ELP3: variants seen among roughly 807,000 people sequenced by gnomAD.
ELP3 encodes elongator acetyltransferase complex subunit 3, also known as elongator complex protein 3.
A neutral mutation model predicts 74.9 loss-of-function variants in ELP3; 56 were observed. That is an observed-to-expected ratio of 0.75 (90% CI 0.60 to 0.93). The LOEUF is 0.93. ELP3 is among the 40% of genes least tolerant of loss of function. The pLI is 0.00. For synonymous variants in ELP3, 222 were observed against 239.8 expected, an observed-to-expected ratio of 0.93 and a Z score of 0.68; for missense variants, 573 against 686.5, an observed-to-expected ratio of 0.83 and a Z score of 1.85.
In ELP3 at chr8:28,106,756, A is replaced by G; in HGVS notation, c.302A>G (p.His101Arg). 5 of 1,612,918 alleles carry G rather than the reference A, an allele frequency of 3.1e-6. No homozygotes were observed. The highest frequency in any genetic ancestry group is 1.1e-5 in the South Asian group (1 of 91,026). Residue 101 changes from histidine (H) to arginine (R), a missense_variant, in exon 4 of 15, where the codon CAC becomes CGC. Physicochemically the swap from His to Arg is conservative, Grantham distance 29. Coordinates refer to ENST00000256398, the MANE Select transcript of ELP3 (RefSeq NM_018091.6). ...AVMCKPHRCP[H>R]ISFTGNICVY... is the part of the protein sequence containing the mutation. ...ATGTGCAAACCCCACAGATGTCCAC[A>G]CATCAGTTTTACAGGAAATATATGT...
At chr8:28,159,482 A>G (rs1563279559) in intron 12 of ELP3, among the ~76,000 whole-genome samples, 1 of 152,146 alleles carries the variant, frequency 6.6e-6, no homozygotes. Flanking sequence ...CCATCTCCCC[A>G]TCTACCGAGT....
At chr8:28,123,971 T>G (rs1812477046) in intron 7 of ELP3, among the ~76,000 whole-genome samples, 1 of 152,194 alleles carries the variant, frequency 6.6e-6, no homozygotes, top group Admixed American at 6.5e-5. Flanking sequence ...TTTGCTCGTG[T>G]GTGCCTTTTA....
At chr8:28,148,486 T>G (rs1813516129) in intron 10 of ELP3, among the ~76,000 whole-genome samples, 1 of 152,306 alleles carries the variant, frequency 6.6e-6, no homozygotes, top group African/African-American at 2.4e-5. Context: ...ATTCATGGCC[T>G]CTGGTCATGA....
At chr8:28,162,165 T>C in intron 14 of ELP3, 87 bp downstream of exon 14, 1 of 1,332,474 alleles carries the variant, frequency 7.5e-7, no homozygotes, top group Non-Finnish European at 1.1e-6. Flanking sequence ...CTCTTGCCCC[T>C]GTTGATGGTT....
intron 10 of ELP3, among the ~76,000 whole-genome samples, chr8:28,149,324 A>G (rs1224977105): frequency 6.6e-6 from 1 of 152,226 alleles, no homozygotes; most frequent in African/African-American, 2.4e-5. Flanking sequence ...GAGAATTGGC[A>G]TAGTCTTGCT....
Position 28,107,921 on chromosome 8 carries a change from C to T in ELP3, c.338C>T (p.Pro113Leu). The T allele has an allele frequency of 6.2e-7, 1 of 1,613,932 alleles. No individual in the cohort carries two copies. The highest frequency in any genetic ancestry group is 8.5e-7 in the Non-Finnish European group (1 of 1,179,936). Residue 113 changes from proline (P) to leucine (L), a missense_variant, in exon 5 of 15, where the codon CCT becomes CTT. By Grantham distance (98) the Pro-to-Leu change is moderately conservative. Coordinates refer to ENST00000256398, the MANE Select transcript of ELP3 (RefSeq NM_018091.6). Reference sequence around the variant, plus strand: ...TTTTGTTGTACTGGCAGATACTGCCCTGGTGGACCTGATTCTGATTTTGAG... The same window carrying T: ...TTTTGTTGTACTGGCAGATACTGCCTTGGTGGACCTGATTCTGATTTTGAG... ...SFTGNICVYC[P>L]GGPDSDFEYS...
At chr8:28,113,779 G>A (rs1008606327) in intron 7 of ELP3, 3 of 152,064 alleles carry the variant, frequency 2.0e-5, no homozygotes, top group African/African-American at 4.8e-5. Flanking sequence ...AACAAAAAGC[G>A]GACCAATTCA....
chr8:28,160,460 T>C lies in ELP3; in HGVS notation c.1485+4T>C, dbSNP rs1417329379. Reference sequence around the variant, plus strand: ...TCCTACTAAATTTCAGCATCAGGTATCCTGTATTCCATTTCTATTTGACTT... The same window carrying C: ...TCCTACTAAATTTCAGCATCAGGTACCCTGTATTCCATTTCTATTTGACTT... On this transcript the variant is annotated splice_donor_region_variant and intron_variant, in intron 13 of 14. Transcript: ENST00000256398. 4 of 1,610,216 alleles carry C rather than the reference T, an allele frequency of 2.5e-6. No individual in the cohort carries two copies. In the Admixed American group the frequency reaches 6.7e-5, roughly 27 times the overall value.
intron 10 of ELP3, among the ~76,000 whole-genome samples, chr8:28,148,451 C>A (rs1813514377): frequency 6.6e-6 from 1 of 152,158 alleles, no homozygotes; most frequent in South Asian, 2.1e-4. Context: ...GACAGGGCAT[C>A]ATTTCTGTGG....
intron 10 of ELP3, among the ~76,000 whole-genome samples, chr8:28,150,250 C>A (rs557537110): frequency 2.0e-5 from 3 of 152,262 alleles, no homozygotes; most frequent in African/African-American, 7.2e-5. Context: ...TCTGTTAGAT[C>A]ATTTTAAAAT....
chr8:28,105,244 G>A (rs1314001364), intron 3 of ELP3, among the ~76,000 whole-genome samples: 1 of 152,040 alleles, frequency 6.6e-6, no homozygotes, highest in African/African-American at 2.4e-5. Flanking sequence ...CAAAAAATTA[G>A]CCAGGCATGG....
chr8:28,158,607 A>T lies in ELP3; in HGVS notation c.1231A>T (p.Ile411Phe), dbSNP rs1230733010. The T allele has an allele frequency of 6.2e-7, 1 of 1,613,746 alleles. No homozygotes were observed. Among genetic ancestry groups the T allele is most frequent in the Admixed American group, 1.7e-5 (1 of 59,984 alleles). ...AACCAGAGAAGTTGGAATCCAAGAA[A>T]TTCATCACAAAGTACGGCCATACCA... The part of the protein sequence containing the change: ...VRTREVGIQE[I>F]HHKVRPYQVE... Residue 411 changes from isoleucine (I) to phenylalanine (F), a missense_variant, in exon 12 of 15, where the codon ATT becomes TTT. Ile to Phe is a conservative substitution (Grantham distance 21). Coordinates refer to ENST00000256398, the MANE Select transcript of ELP3 (RefSeq NM_018091.6).
At chr8:28,131,250 A>G (rs1211982607) in intron 8 of ELP3, among the ~76,000 whole-genome samples, 5 of 152,252 alleles carry the variant, frequency 3.3e-5, no homozygotes, top group Non-Finnish European at 7.3e-5. Context: ...AGAATAGCCA[A>G]GTGAAGGTTT....
At chr8:28,152,736 G>A (rs905213366) in intron 10 of ELP3, among the ~76,000 whole-genome samples, 5 of 152,168 alleles carry the variant, frequency 3.3e-5, no homozygotes, top group Non-Finnish European at 5.9e-5. Context: ...AACCTGGGAG[G>A]CGAAGGTTGC....
intron 10 of ELP3, among the ~76,000 whole-genome samples, chr8:28,141,555 C>A (rs548966435): frequency 2.0e-5 from 3 of 152,288 alleles, no homozygotes; most frequent in South Asian, 4.1e-4. Context: ...TCCATGTTAA[C>A]TTCCTCATTT....
intron 10 of ELP3, among the ~76,000 whole-genome samples, chr8:28,149,317 A>C (rs1813554243): frequency 6.6e-6 from 1 of 152,204 alleles, no homozygotes; most frequent in Non-Finnish European, 1.5e-5. Context: ...GATTGTAGAG[A>C]ATTGGCATAG....
At chr8:28,131,631 A>G (rs1812788818) in intron 8 of ELP3, among the ~76,000 whole-genome samples, 1 of 152,212 alleles carries the variant, frequency 6.6e-6, no homozygotes, top group South Asian at 2.1e-4. Context: ...TAGTTGCCCA[A>G]AACTATTGTT....
At chr8:28,172,713 C>T (rs1230624295) in intron 14 of ELP3, among the ~76,000 whole-genome samples, 7 of 152,028 alleles carry the variant, frequency 4.6e-5, no homozygotes, top group Non-Finnish European at 2.9e-5. Flanking sequence ...TATCTGGCTT[C>T]TGATCTTAGG....
chr8:28,092,744 A>C, upstream of ELP3: 1 of 240,360 alleles, frequency 4.2e-6, no homozygotes, highest in Non-Finnish European at 8.3e-6. Context: ...TAGTTTCCAC[A>C]ACATGGGAGG....
Sources: gnomAD v4.1 joint callset for allele counts (sites outside exome capture counted in the v4.1 genomes callset) on GRCh38, gnomAD v4.1.1 for gene constraint, MANE v1.5 for transcripts, NCBI Gene and HGNC (gene_info 2026-07-23, HGNC 2026-07-21) for gene names.